The following SYNE2 variants were observed in gnomAD, a reference collection of about 807,000 sequenced individuals.
SYNE2 encodes nesprin-2.
SYNE2 carries 431 observed loss-of-function variants against 856.3 expected under a neutral mutation model. The ratio of observed to expected loss-of-function variants is 0.50; its 90% CI spans 0.47 to 0.55. The LOEUF is 0.55. SYNE2 is among the 20% of genes least tolerant of loss of function. The probability of loss-of-function intolerance (pLI) is 0.00; values close to 1 mark genes in which losing one functional copy is unlikely to be tolerated. For missense variants in SYNE2, 8,129 were observed against 8,023.2 expected, an observed-to-expected ratio of 1.01 and a Z score of -0.50; for synonymous variants, 2,923 against 2,872.3, an observed-to-expected ratio of 1.02 and a Z score of -0.56.
At chr14:64,045,126 C>G (rs1005738734) in intron 45 of SYNE2, among the ~76,000 whole-genome samples, 3 of 152,114 alleles carry the variant, frequency 2.0e-5, no homozygotes, top group African/African-American at 7.2e-5. Context: ...AGCAAAGGAC[C>G]TTTTACATTT....
chr14:64,110,038 A>G (rs991791994), intron 65 of SYNE2, among the ~76,000 whole-genome samples: 1 of 152,234 alleles, frequency 6.6e-6, no homozygotes, highest in African/African-American at 2.4e-5. Context: ...CCACCATGCC[A>G]TTCTAGGGGC....
chr14:63,990,341 A>G (rs2096657640), intron 19 of SYNE2, 70 bp from the exon 20 acceptor site: 2 of 1,503,962 alleles, frequency 1.3e-6, no homozygotes, highest in Non-Finnish European at 1.8e-6. Context: ...GTTTCCTGAG[A>G]TTGTTTTGAT....
intron 1 of SYNE2, among the ~76,000 whole-genome samples, chr14:63,846,587 T>TC (rs200615258): frequency 0.11 from 16,165 of 151,108 alleles, 947 homozygotes; most frequent in African/African-American, 0.16. Flanking sequence ...TTTTTTTCTG[T>TC]TTTTTGTTTG....
At chr14:64,122,167 TG>T in intron 69 of SYNE2, 34 bp downstream of exon 69, 1 of 1,614,178 alleles carries the variant, frequency 6.2e-7, no homozygotes, top group South Asian at 1.1e-5. Context: ...GGTCATTCAG[TG>T]GTTTTATGAC....
At chr14:63,970,102 A>G (rs1266097154) in intron 11 of SYNE2, among the ~76,000 whole-genome samples, 2 of 152,018 alleles carry the variant, frequency 1.3e-5, no homozygotes, top group Admixed American at 6.6e-5. Flanking sequence ...TCCTTCATGT[A>G]CTTTTCATCT....
chr14:64,020,152 C>A, intron 35 of SYNE2, 59 bp downstream of exon 35: 1 of 1,165,902 alleles, frequency 8.6e-7, no homozygotes, highest in Non-Finnish European at 1.3e-6. Flanking sequence ...ATAATCATAT[C>A]ACTGCACTCC....
At chr14:64,130,553 G>A (rs909074164) in intron 76 of SYNE2, among the ~76,000 whole-genome samples, 10 of 152,142 alleles carry the variant, frequency 6.6e-5, no homozygotes, top group African/African-American at 1.9e-4. Context: ...CATTCTATGA[G>A]AGCATTTAAT....
chr14:63,996,663 C>T (rs1317989690), intron 23 of SYNE2, among the ~76,000 whole-genome samples: 1 of 152,174 alleles, frequency 6.6e-6, no homozygotes, highest in Non-Finnish European at 1.5e-5. Flanking sequence ...AGATGCTTCC[C>T]TCTTGTGAGG....
At chr14:64,184,509 G>A (rs1030345186) in intron 96 of SYNE2, among the ~76,000 whole-genome samples, 11 of 152,136 alleles carry the variant, frequency 7.2e-5, no homozygotes, top group African/African-American at 2.4e-4. Flanking sequence ...ACCTGGCCGG[G>A]CATAACTCGG....
intron 82 of SYNE2, among the ~76,000 whole-genome samples, chr14:64,142,741 A>G (rs1183077667): frequency 6.6e-6 from 1 of 152,202 alleles, no homozygotes; most frequent in Non-Finnish European, 1.5e-5. Context: ...GCCTTCCTCT[A>G]ACAGGTGTTA....
In SYNE2 at chr14:63,962,133, A is replaced by G. The variant is rs183794667; in HGVS notation, c.888+508A>G. On this transcript the variant is annotated intron_variant, in intron 9 of 115. Coordinates refer to ENST00000555002, the MANE Select transcript of SYNE2 (RefSeq NM_182914.3). The stretch of plus-strand genomic sequence containing the variant: ...GTGCAGTGGCGCGATCTTGGCTTAC[A>G]GCAACCTCTGTCTCCCCGTTCAAGT... 5.6e-3 allele frequency among the ~76,000 whole-genome samples: 856 copies of G among 151,878 alleles called. 16 individuals carry two copies. Among genetic ancestry groups the G allele is most frequent in the African/African-American group, 0.02 (810 of 41,442 alleles).
Position 64,089,559 on chromosome 14 carries a change from C to T in SYNE2, c.11671-15C>T, listed in dbSNP as rs750605302. The T allele has an allele frequency of 1.2e-6, 2 of 1,605,406 alleles. No homozygotes were observed. Among genetic ancestry groups the T allele is most frequent in the Admixed American group, 1.7e-5 (1 of 59,766 alleles). On this transcript the variant is annotated splice_polypyrimidine_tract_variant and intron_variant, in intron 58 of 115. Coordinates refer to ENST00000555002, the MANE Select transcript of SYNE2 (RefSeq NM_182914.3). ...ACAATATATATTGCATCAGTGTGTT[C>T]TTCTGAAATTCTAGGATGTGGTTGC...
chr14:64,024,780 A>AT (rs762983407), intron 39 of SYNE2, 132 bp from the exon 40 acceptor site: 101 of 1,001,860 alleles, frequency 1.0e-4, no homozygotes, highest in Non-Finnish European at 1.5e-4. Flanking sequence ...TATATTACAA[A>AT]TTAAATTCTC....
At chr14:64,173,929 T>G (rs1595986507) in intron 94 of SYNE2, 2 of 697,014 alleles carry the variant, frequency 2.9e-6, no homozygotes, top group East Asian at 5.4e-5. Flanking sequence ...TGGTGGCGCA[T>G]CTCTTAAAAA....
chr14:63,942,872 C>G (rs1172724367), intron 6 of SYNE2, among the ~76,000 whole-genome samples: 2 of 152,180 alleles, frequency 1.3e-5, no homozygotes, highest in African/African-American at 4.8e-5. Context: ...CTCAGGTGAT[C>G]TGCCTGCCTC....
At chr14:64,122,521 A>G in intron 70 of SYNE2, 94 bp downstream of exon 70, 1 of 1,545,860 alleles carries the variant, frequency 6.5e-7, no homozygotes, top group East Asian at 2.3e-5. Context: ...CCAGAAAGCA[A>G]AGTTGCCAAG....
intron 1 of SYNE2, among the ~76,000 whole-genome samples, chr14:63,786,301 A>G (rs2139753325): frequency 6.6e-6 from 1 of 151,168 alleles, no homozygotes; most frequent in Middle Eastern, 3.5e-3. Context: ...CCAGCTACTC[A>G]GGAGGCTGAG....
rs1219279441 is a variant in SYNE2, at chr14:64,003,343, C to T, written c.4397+13C>T. ...CTGTGAAACATCGGTAAGTATTGTC[C>T]ATCCATTTCCATCCAAGGTGACTGA... On this transcript the variant is annotated intron_variant, in intron 30 of 115. Transcript: ENST00000555002. 1.9e-6 allele frequency: 3 copies of T among 1,613,658 alleles called. No homozygotes were observed. The highest frequency in any genetic ancestry group is 2.2e-5 in the East Asian group (1 of 44,882).
Position 64,130,146 on chromosome 14 carries a change from C to T in SYNE2, c.14238C>T (p.Gly4746=). The change falls in exon 76 of 116, where the codon GGC becomes GGT. Residue 4746 remains glycine, a synonymous_variant. Transcript: ENST00000555002. ...GCCAGCAAGATGCTTTGTTGCAAGG[C>T]ATGGTGGAACTGGTGAAGATTGGGA... The part of the protein sequence containing the change: ...TESQQDALLQ[G]MVELVKIGKE... 1 of 1,614,106 alleles carries T rather than the reference C, an allele frequency of 6.2e-7. No homozygotes were observed.
Sources: gnomAD v4.1 joint callset for allele counts (sites outside exome capture counted in the v4.1 genomes callset) on GRCh38, gnomAD v4.1.1 for gene constraint, MANE v1.5 for transcripts, NCBI Gene and HGNC (gene_info 2026-07-23, HGNC 2026-07-21) for gene names.